Variants in FRMD6 observed in about 807,000 individuals in gnomAD.
FRMD6 encodes FERM domain containing 6, also known as FERM domain-containing protein 6.
In FRMD6, 37 loss-of-function variants were observed where a neutral mutation model predicts 73.2. The observed-to-expected ratio is 0.51, with a 90% CI of 0.39 to 0.66. The LOEUF is 0.66. Ranked by LOEUF, FRMD6 falls within the 30% of genes least tolerant of loss-of-function variation. The pLI, the probability that FRMD6 is intolerant of heterozygous loss-of-function variation, is 0.00. For missense variants in FRMD6, 714 were observed against 780.5 expected, an observed-to-expected ratio of 0.91 and a Z score of 1.02; for synonymous variants, 273 against 282.2, an observed-to-expected ratio of 0.97 and a Z score of 0.33.
At chr14:51,525,436 T>G (rs1286269126) in intron 1 of FRMD6, among the ~76,000 whole-genome samples, 1 of 151,894 alleles carries the variant, frequency 6.6e-6, no homozygotes, top group Non-Finnish European at 1.5e-5. Flanking sequence ...GCCCAGCTAA[T>G]TTTTTGTATT....
At chr14:51,447,755 G>C in the FRMD6 span, among the ~76,000 whole-genome samples, 1 of 152,164 alleles carries the variant, frequency 6.6e-6, no homozygotes, top group Non-Finnish European at 1.5e-5. Context: ...CTCCCCAGCT[G>C]TCTCAATCCT....
the FRMD6 span, among the ~76,000 whole-genome samples, chr14:51,448,348 G>A: frequency 6.6e-6 from 1 of 152,102 alleles, no homozygotes; most frequent in African/African-American, 2.4e-5. Flanking sequence ...TTGCATTCAT[G>A]TTCCAGTTCA....
chr14:51,459,273 T>C, the FRMD6 span, among the ~76,000 whole-genome samples: 87 of 152,314 alleles, frequency 5.7e-4, no homozygotes, highest in African/African-American at 2.1e-3. Flanking sequence ...ACCATTGGTG[T>C]CTCTGAAATT....
chr14:51,713,080 G>A (rs10133544), intron 9 of FRMD6, among the ~76,000 whole-genome samples: 43,513 of 152,004 alleles, frequency 0.29, 6,703 homozygotes, highest in African/African-American at 0.39. Flanking sequence ...TTTTTCCCAA[G>A]TATTTCTCTT....
chr14:51,405,121 G>A, the FRMD6 span, among the ~76,000 whole-genome samples: 1 of 152,016 alleles, frequency 6.6e-6, no homozygotes, highest in African/African-American at 2.4e-5. Context: ...CTTTTTTATG[G>A]TGGTATAGTA....
chr14:51,484,669 A>C (rs1882728835), upstream of FRMD6, among the ~76,000 whole-genome samples: 1 of 152,208 alleles, frequency 6.6e-6, no homozygotes, highest in Non-Finnish European at 1.5e-5. Context: ...ATGTGCAACT[A>C]ATTTGGAGGA....
At chr14:51,576,696 T>C (rs1483558088) in intron 2 of FRMD6, among the ~76,000 whole-genome samples, 1 of 152,182 alleles carries the variant, frequency 6.6e-6, no homozygotes, top group African/African-American at 2.4e-5. Context: ...GTCTATCATC[T>C]GCAAAATCTT....
chr14:51,545,272 AAC>A (rs1412375686), intron 1 of FRMD6, among the ~76,000 whole-genome samples: 1 of 151,966 alleles, frequency 6.6e-6, no homozygotes, highest in Non-Finnish European at 1.5e-5. Flanking sequence ...ACTCTTTTTA[AAC>A]ACAGCAAAAA....
chr14:51,507,527 A>G (rs1884039587), intron 1 of FRMD6, among the ~76,000 whole-genome samples: 1 of 152,164 alleles, frequency 6.6e-6, no homozygotes, highest in Non-Finnish European at 1.5e-5. Flanking sequence ...TCAAAATTCT[A>G]CTATAGGGGA....
At chr14:51,535,229 C>G (rs532095355) in intron 1 of FRMD6, among the ~76,000 whole-genome samples, 1 of 152,058 alleles carries the variant, frequency 6.6e-6, no homozygotes, top group Non-Finnish European at 1.5e-5. Context: ...AAAATTTGTC[C>G]CTTTAAAGTA....
At chr14:51,459,826 C>CA in the FRMD6 span, among the ~76,000 whole-genome samples, 31,801 of 57,876 alleles carry the variant, frequency 0.55, 8,511 homozygotes, top group East Asian at 0.73. Context: ...GACTCCATTT[C>CA]AAAAAAAAAA....
the FRMD6 span, among the ~76,000 whole-genome samples, chr14:51,415,519 G>T: frequency 2.0e-5 from 3 of 152,170 alleles, no homozygotes; most frequent in African/African-American, 7.2e-5. Context: ...GATTGTGGTG[G>T]ATAAGCTTTT....
chr14:51,595,811 G>C (rs907189740), intron 2 of FRMD6, among the ~76,000 whole-genome samples: 1 of 152,204 alleles, frequency 6.6e-6, no homozygotes, highest in East Asian at 1.9e-4. Flanking sequence ...AGGCAATAAT[G>C]AGTCTTCTCC....
intron 1 of FRMD6, among the ~76,000 whole-genome samples, chr14:51,512,786 A>G (rs1884391928): frequency 6.6e-6 from 1 of 152,142 alleles, no homozygotes; most frequent in Admixed American, 6.5e-5. Context: ...TGTGATCAGA[A>G]TAGAGGAAAA....
At chr14:51,538,755 C>T (rs8004134) in intron 1 of FRMD6, among the ~76,000 whole-genome samples, 15,939 of 152,146 alleles carry the variant, frequency 0.1, 1,102 homozygotes, top group African/African-American at 0.19. Context: ...CATTGATCTG[C>T]GTGTCTATCT....
At chr14:51,424,429 T>C in the FRMD6 span, among the ~76,000 whole-genome samples, 1 of 152,238 alleles carries the variant, frequency 6.6e-6, no homozygotes, top group Non-Finnish European at 1.5e-5. Context: ...ATTCATATCG[T>C]TGATCTTCAT....
intron 1 of FRMD6, among the ~76,000 whole-genome samples, chr14:51,566,634 T>A (rs1215834810): frequency 6.6e-6 from 1 of 152,198 alleles, no homozygotes; most frequent in African/African-American, 2.4e-5. Context: ...CAATCCACCA[T>A]CCTCGAATAT....
intron 1 of FRMD6, among the ~76,000 whole-genome samples, chr14:51,504,825 C>G (rs1883856993): frequency 6.6e-6 from 1 of 152,210 alleles, no homozygotes; most frequent in African/African-American, 2.4e-5. Flanking sequence ...ACAGAGTGGG[C>G]TACAGTTGCT....
chr14:51,726,814 C>G (rs950318959), intron 13 of FRMD6, among the ~76,000 whole-genome samples: 1 of 152,108 alleles, frequency 6.6e-6, no homozygotes, highest in African/African-American at 2.4e-5. Context: ...AGGGATCACT[C>G]GGATGTGACA....
Sources: gnomAD v4.1 joint callset for allele counts (sites outside exome capture counted in the v4.1 genomes callset) on GRCh38, gnomAD v4.1.1 for gene constraint, MANE v1.5 for transcripts, NCBI Gene and HGNC (gene_info 2026-07-23, HGNC 2026-07-21) for gene names.